FHOD3: variants seen among roughly 807,000 people sequenced by gnomAD.
FHOD3 encodes FH1/FH2 domain-containing protein 3.
FHOD3 carries 90 observed loss-of-function variants against 173.0 expected under a neutral mutation model. The ratio of observed to expected loss-of-function variants is 0.52; its 90% CI spans 0.44 to 0.62. The LOEUF is 0.62. Ranked by LOEUF, FHOD3 falls within the 20% of genes least tolerant of loss-of-function variation. The pLI, the probability that FHOD3 is intolerant of heterozygous loss-of-function variation, is 0.00. For synonymous variants in FHOD3, 828 were observed against 823.0 expected (o/e 1.01, Z -0.10); for missense variants, 1,945 against 2,034.7 (o/e 0.96, Z 0.85).
intron 3 of FHOD3, among the ~76,000 whole-genome samples, chr18:36,467,912 G>T (rs1370503619): frequency 6.6e-6 from 1 of 152,228 alleles, no homozygotes; most frequent in East Asian, 1.9e-4. Flanking sequence ...CTGCACTGCA[G>T]ACCTCGAGAA....
intron 1 of FHOD3, among the ~76,000 whole-genome samples, chr18:36,340,978 G>A (rs2045586455): frequency 2.0e-5 from 3 of 152,106 alleles, no homozygotes. Context: ...GTTGTTTGCT[G>A]AGGACTTAGT....
chr18:36,767,754 G>A (rs547124364), intron 27 of FHOD3, among the ~76,000 whole-genome samples: 17 of 152,268 alleles, frequency 1.1e-4, no homozygotes, highest in African/African-American at 4.1e-4. Flanking sequence ...ATTCAGTCAT[G>A]AATTTTACTA....
intron 19 of FHOD3, among the ~76,000 whole-genome samples, chr18:36,729,199 C>A (rs1329705660): frequency 6.6e-6 from 1 of 152,174 alleles, no homozygotes; most frequent in Non-Finnish European, 1.5e-5. Flanking sequence ...CACAGTGCCT[C>A]ATTCATCTTT....
At chr18:36,742,699 G>A in intron 21 of FHOD3, 38 bp from the exon 22 acceptor site, 3 of 1,592,210 alleles carry the variant, frequency 1.9e-6, no homozygotes, top group Non-Finnish European at 2.6e-6. Context: ...AACCCAAATT[G>A]TACACTCTTT....
At chr18:36,674,098 G>C (rs1160273127) in intron 14 of FHOD3, among the ~76,000 whole-genome samples, 4 of 152,292 alleles carry the variant, frequency 2.6e-5, no homozygotes, top group Non-Finnish European at 4.4e-5. Context: ...TTTTCAAAAG[G>C]AAGGAAAGTC....
chr18:36,325,767 C>CA (rs1387496731), intron 1 of FHOD3, among the ~76,000 whole-genome samples: 1 of 152,096 alleles, frequency 6.6e-6, no homozygotes, highest in Non-Finnish European at 1.5e-5. Context: ...AGCCTGCACC[C>CA]ACAGATTAAA....
chr18:36,771,310 G>A (rs1029298969), intron 28 of FHOD3, among the ~76,000 whole-genome samples: 6 of 152,158 alleles, frequency 3.9e-5, no homozygotes, highest in Non-Finnish European at 7.3e-5. Context: ...CCGAAGGGGC[G>A]AGGCTAATCC....
Position 36,724,123 on chromosome 18 carries a change from G to A in FHOD3, c.3417+5408G>A, listed in dbSNP as rs138499069. Among the ~76,000 whole-genome samples the A allele has an allele frequency of 3.9e-5, 6 of 152,274 alleles. No individual in the cohort carries two copies. The East Asian group carries it at 9.7e-4, about 25-fold the overall frequency. On this transcript the variant is annotated intron_variant, in intron 19 of 28. Transcript: ENST00000590592. ...ATACTTTTACTTGGAGGTTTAATTTGTTCTATCCGAAAGCCTGACTCGGGC... is the reference window on the plus strand; with the variant it reads ...ATACTTTTACTTGGAGGTTTAATTTATTCTATCCGAAAGCCTGACTCGGGC...
chr18:36,767,854 G>T (rs2043206437), intron 27 of FHOD3, among the ~76,000 whole-genome samples: 1 of 152,038 alleles, frequency 6.6e-6, no homozygotes. Flanking sequence ...GAAAATCACA[G>T]TCCATTGAAC....
At chr18:36,630,899 G>A (rs935623565) in intron 10 of FHOD3, among the ~76,000 whole-genome samples, 1 of 152,236 alleles carries the variant, frequency 6.6e-6, no homozygotes, top group African/African-American at 2.4e-5. Flanking sequence ...AAAGTGATAA[G>A]GATATATAAA....
At chr18:36,505,007 A>G (rs1368566010) in intron 4 of FHOD3, among the ~76,000 whole-genome samples, 4 of 152,204 alleles carry the variant, frequency 2.6e-5, no homozygotes, top group Non-Finnish European at 5.9e-5. Context: ...GCTGTGATAT[A>G]TATTTTCCAC....
At chr18:36,413,791 TGTACATTTCA>T (rs2049482551) in intron 3 of FHOD3, among the ~76,000 whole-genome samples, 1 of 152,226 alleles carries the variant, frequency 6.6e-6, no homozygotes, top group Non-Finnish European at 1.5e-5. Flanking sequence ...CCATTTTAAG[TGTACATTTCA>T]GTGTCATTAC....
chr18:36,684,403 T>C (rs965593478), intron 15 of FHOD3, among the ~76,000 whole-genome samples: 6 of 152,066 alleles, frequency 3.9e-5, no homozygotes, highest in African/African-American at 1.4e-4. Flanking sequence ...GACATAGATA[T>C]TATACATTTA....
At chr18:36,463,530 C>T (rs2144818680) in intron 3 of FHOD3, among the ~76,000 whole-genome samples, 1 of 67,186 alleles carries the variant, frequency 1.5e-5, no homozygotes, top group Non-Finnish European at 3.5e-5. Context: ...CAGAATCTTG[C>T]CATGTCGCCC....
chr18:36,314,576 G>A (rs2044029445), intron 1 of FHOD3, among the ~76,000 whole-genome samples: 1 of 152,180 alleles, frequency 6.6e-6, no homozygotes, highest in Admixed American at 6.5e-5. Flanking sequence ...TATTTAAGAA[G>A]TTCAGGGGCT....
At chr18:36,548,538 T>C (rs2147267945) in intron 5 of FHOD3, among the ~76,000 whole-genome samples, 1 of 152,326 alleles carries the variant, frequency 6.6e-6, no homozygotes, top group East Asian at 1.9e-4. Context: ...AGTGGCTGCA[T>C]CCAGTACTCC....
chr18:36,601,710 G>A (rs2031403460), intron 7 of FHOD3, among the ~76,000 whole-genome samples: 1 of 152,184 alleles, frequency 6.6e-6, no homozygotes, highest in African/African-American at 2.4e-5. Context: ...ATCCCTTTGA[G>A]ATCTTTATAG....
chr18:36,604,039 T>C (rs1365371724), intron 8 of FHOD3, among the ~76,000 whole-genome samples: 2 of 152,122 alleles, frequency 1.3e-5, no homozygotes, highest in African/African-American at 2.4e-5. Context: ...ATCACCACCT[T>C]GTAGGGCAGT....
intron 3 of FHOD3, among the ~76,000 whole-genome samples, chr18:36,451,111 C>A (rs181951329): frequency 2.6e-5 from 4 of 152,312 alleles, no homozygotes; most frequent in African/African-American, 9.6e-5. Flanking sequence ...TAGCAAATGA[C>A]TTTTATTTCT....
Sources: gnomAD v4.1 joint callset for allele counts (sites outside exome capture counted in the v4.1 genomes callset) on GRCh38, gnomAD v4.1.1 for gene constraint, MANE v1.5 for transcripts, NCBI Gene and HGNC (gene_info 2026-07-23, HGNC 2026-07-21) for gene names.